The following RCC1L variants were observed in gnomAD, a reference collection of about 807,000 sequenced individuals.
The protein encoded by RCC1L is RCC1-like G exchanging factor-like protein.
In RCC1L, 46 loss-of-function variants were observed where a neutral mutation model predicts 58.6. The observed-to-expected ratio is 0.79, with a 90% CI of 0.62 to 1.00. The LOEUF is 1.00. Ranked by LOEUF, RCC1L falls within the 50% of genes least tolerant of loss-of-function variation. RCC1L has a pLI of 0.00. For synonymous variants in RCC1L, 281 were observed against 262.9 expected, an observed-to-expected ratio of 1.07 and a Z score of -0.67; for missense variants, 636 against 623.6, an observed-to-expected ratio of 1.02 and a Z score of -0.21.
chr7:75,032,393 T>A (rs1039087339), intron 10 of RCC1L, among the ~76,000 whole-genome samples: 2 of 152,168 alleles, frequency 1.3e-5, no homozygotes, highest in African/African-American at 4.8e-5. Context: ...AGATTAGATA[T>A]CCTGCAGGCA....
At chr7:75,070,800 G>A in intron 1 of RCC1L, 31 bp from the exon 2 acceptor site, 1 of 1,611,976 alleles carries the variant, frequency 6.2e-7, no homozygotes, top group Non-Finnish European at 8.5e-7. Context: ...AGCATGAACT[G>A]ATTTATAATG....
At position 75,054,932 on chromosome 7, in the gene RCC1L, A is replaced by G. The variant is rs1451822199; in HGVS notation, c.1231+969T>C. 4.6e-5 allele frequency among the ~76,000 whole-genome samples: 7 copies of G among 152,358 alleles called. No individual in the cohort carries two copies. In the East Asian group the frequency reaches 5.8e-4, roughly 13 times the overall value. ...CCAGATAAAACTCCAGCTGGCAGCC[A>G]TAACAACCCAGGCCTGCCTGTTTGA... On this transcript the variant is annotated intron_variant, in intron 9 of 10. Transcript: ENST00000610322.
At position 75,067,856 on chromosome 7, in the gene RCC1L, C is replaced by A. The variant is rs180894165; in HGVS notation, c.455-1064G>T. Among the ~76,000 whole-genome samples the A allele has an allele frequency of 5.1e-3, 774 of 151,680 alleles. 4 individuals are homozygous for A. Among genetic ancestry groups the A allele is most frequent in the South Asian group, 0.013 (60 of 4,794 alleles). ...CAAGACCCTGTCTCCCCTTACCCCC[C>A]CAAAAAATTAAACTGTTGGAATTTG... is the stretch of plus-strand genomic sequence containing the variant. On this transcript the variant is annotated intron_variant, in intron 2 of 10. Coordinates refer to ENST00000610322, the MANE Select transcript of RCC1L (RefSeq NM_030798.5).
intron 10 of RCC1L, among the ~76,000 whole-genome samples, chr7:75,031,817 G>C (rs1805313909): frequency 6.6e-6 from 1 of 152,204 alleles, no homozygotes; most frequent in African/African-American, 2.4e-5. Context: ...TTCTGGCTCA[G>C]AGTCACTCAT....
downstream of RCC1L, among the ~76,000 whole-genome samples, chr7:75,041,666 C>G (rs1554442284): frequency 2.6e-5 from 4 of 151,920 alleles, no homozygotes; most frequent in African/African-American, 7.3e-5. Context: ...CAAGACCAGC[C>G]TGGCCAACGT....
chr7:75,044,599 G>A (rs1381948468), intron 10 of RCC1L, among the ~76,000 whole-genome samples: 379 of 40,464 alleles, frequency 9.4e-3, no homozygotes, highest in African/African-American at 0.02. Context: ...ACTCTGTCTC[G>A]AAAAAAAAAA....
At chr7:75,070,166 G>A (rs1481119951) in intron 2 of RCC1L, among the ~76,000 whole-genome samples, 1 of 152,118 alleles carries the variant, frequency 6.6e-6, no homozygotes, top group Non-Finnish European at 1.5e-5. Context: ...GTTCAACATT[G>A]TTACCAAAGA....
chr7:75,063,943 A>T (rs1345458788), intron 4 of RCC1L, among the ~76,000 whole-genome samples: 2 of 151,964 alleles, frequency 1.3e-5, no homozygotes, highest in African/African-American at 4.8e-5. Flanking sequence ...AAAAATAAAT[A>T]AAAATAAAAT....
At chr7:75,060,670 A>G (rs1806246258) in intron 6 of RCC1L, among the ~76,000 whole-genome samples, 1 of 152,066 alleles carries the variant, frequency 6.6e-6, no homozygotes, top group African/African-American at 2.4e-5. Flanking sequence ...ACCTCAAGTG[A>G]TCCGCCCACC....
At position 75,052,772 on chromosome 7, in the gene RCC1L, C is replaced by T. The variant is rs1307525132; in HGVS notation, c.1256G>A (p.Gly419Asp). 4.3e-6 allele frequency: 7 copies of T among 1,613,094 alleles called. No homozygotes were observed. In the African/African-American group the frequency reaches 9.3e-5, roughly 22 times the overall value. ...LTNKGELFVW[G>D]KNIRGCLGIG... is the part of the protein sequence containing the mutation. ...TCCCAGGCACCCTCGGATGTTCTTG[C>T]CCCATACAAACAGCTCTCCTTTGTC... The change falls in exon 10 of 11, where the codon GGC becomes GAC. Residue 419 changes from glycine (G) to aspartate (D), a missense_variant. Physicochemically the swap from Gly to Asp is moderately conservative, Grantham distance 94. Coordinates refer to ENST00000610322, the MANE Select transcript of RCC1L (RefSeq NM_030798.5).
chr7:75,031,548 T>A (rs1233765021), intron 10 of RCC1L, among the ~76,000 whole-genome samples: 1 of 150,168 alleles, frequency 6.7e-6, no homozygotes, highest in African/African-American at 2.4e-5. Context: ...CTGGTGGCCG[T>A]CTGGTTTTTT....
intron 10 of RCC1L, among the ~76,000 whole-genome samples, chr7:75,045,923 G>A (rs1189988490): frequency 1.3e-5 from 2 of 152,306 alleles, no homozygotes; most frequent in East Asian, 1.9e-4. Flanking sequence ...ATCCGAATTC[G>A]ACCACCCTCC....
At chr7:75,049,961 TCCCA>T (rs1369643032) in intron 10 of RCC1L, among the ~76,000 whole-genome samples, 95 of 152,194 alleles carry the variant, frequency 6.2e-4, no homozygotes, top group Admixed American at 1.6e-3. Context: ...GACTGGACTC[TCCCA>T]CCCCAATCCA....
chr7:75,053,106 G>T (rs1805966072), intron 9 of RCC1L, among the ~76,000 whole-genome samples: 2 of 138,302 alleles, frequency 1.4e-5, no homozygotes, highest in Non-Finnish European at 3.1e-5. Context: ...GGGTCTGGGG[G>T]TGGTGCACGG....
chr7:75,038,306 C>T (rs1805472725), downstream of RCC1L, among the ~76,000 whole-genome samples: 1 of 152,198 alleles, frequency 6.6e-6, no homozygotes, highest in Admixed American at 6.5e-5. Context: ...GACTGGAGTA[C>T]AGTGGTGCAA....
chr7:75,056,542 A>G (rs1806086913), intron 8 of RCC1L: 2 of 1,525,126 alleles, frequency 1.3e-6, no homozygotes, highest in Non-Finnish European at 1.8e-6. Flanking sequence ...AATATTCATC[A>G]GTGGTGCCAG....
chr7:75,034,872 T>C (rs1218009482), intron 10 of RCC1L, among the ~76,000 whole-genome samples: 2 of 152,068 alleles, frequency 1.3e-5, no homozygotes, highest in Non-Finnish European at 2.9e-5. Context: ...CAGGCTGCCC[T>C]TGAACTCCTG....
chr7:75,070,881 T>C, intron 1 of RCC1L, 112 bp from the exon 2 acceptor site: 2 of 1,403,580 alleles, frequency 1.4e-6, no homozygotes, highest in Admixed American at 2.2e-5. Context: ...ACGGGGGTTT[T>C]GTTTTTGTTT....
chr7:75,029,276 ATG>A (rs1346210629), intron 10 of RCC1L, among the ~76,000 whole-genome samples: 2 of 150,460 alleles, frequency 1.3e-5, no homozygotes, highest in Admixed American at 6.6e-5. Context: ...AGAGATCTGG[ATG>A]TGGTGACAAC....
Sources: allele counts gnomAD v4.1 joint callset (sites outside exome capture counted in the v4.1 genomes callset), GRCh38; gene constraint gnomAD v4.1.1; transcripts MANE v1.5; gene names NCBI Gene and HGNC (gene_info 2026-07-23, HGNC 2026-07-21).